Variants in CACNA2D3 observed in about 807,000 individuals in gnomAD.
CACNA2D3 encodes the protein calcium voltage-gated channel auxiliary subunit alpha2delta 3, also known as voltage-dependent calcium channel subunit alpha-2/delta-3.
A neutral mutation model predicts 160.6 loss-of-function variants in CACNA2D3; 60 were observed. The ratio of observed to expected loss-of-function variants is 0.37; its 90% CI spans 0.30 to 0.46. The LOEUF (loss-of-function observed/expected upper bound fraction) is 0.46. Among genes scored for constraint, CACNA2D3 ranks in the 20% least tolerant of loss-of-function variants. The pLI is 1.00. For missense variants in CACNA2D3, 1,205 were observed against 1,365.0 expected (o/e 0.88, Z 1.85); for synonymous variants, 558 against 492.9 (o/e 1.13, Z -1.75).
intron 9 of CACNA2D3, 80 bp from the exon 10 acceptor site, chr3:54,627,707 G>A: frequency 1.2e-6 from 1 of 834,230 alleles, no homozygotes; most frequent in South Asian, 1.4e-5. Flanking sequence ...GTCTTGCCAT[G>A]GCGTACATCT....
At chr3:54,894,787 A>G in intron 25 of CACNA2D3, 1 of 417,604 alleles carries the variant, frequency 2.4e-6, no homozygotes, top group East Asian at 7.2e-5. Flanking sequence ...CTAAAATTTC[A>G]GTATTCCTGA....
intron 27 of CACNA2D3, chr3:54,901,332 C>G (rs1480081429): frequency 6.6e-6 from 1 of 152,154 alleles, no homozygotes; most frequent in Non-Finnish European, 1.5e-5. Context: ...AAGGATGAGC[C>G]CTAAGGTCAC....
intron 2 of CACNA2D3, among the ~76,000 whole-genome samples, chr3:54,165,496 C>T (rs1054311928): frequency 2.6e-5 from 4 of 151,660 alleles, no homozygotes; most frequent in Non-Finnish European, 4.4e-5. Flanking sequence ...AGCTTCTTGA[C>T]CTCCATATAT....
intron 27 of CACNA2D3, among the ~76,000 whole-genome samples, chr3:54,908,420 T>C (rs1700490490): frequency 6.6e-6 from 1 of 152,182 alleles, no homozygotes; most frequent in Admixed American, 6.5e-5. Flanking sequence ...ATTCTGGATA[T>C]AAATACCTTG....
chr3:54,385,411 A>G (rs1462898741), intron 3 of CACNA2D3, among the ~76,000 whole-genome samples: 1 of 152,134 alleles, frequency 6.6e-6, no homozygotes, highest in East Asian at 1.9e-4. Context: ...TAGAATGAGG[A>G]CCAGGTCTCC....
intron 35 of CACNA2D3, among the ~76,000 whole-genome samples, chr3:55,030,309 G>A (rs900977331): frequency 6.6e-6 from 1 of 152,082 alleles, no homozygotes; most frequent in African/African-American, 2.4e-5. Flanking sequence ...AGCATTAAAG[G>A]TTTAAAACAT....
At chr3:54,668,602 T>C (rs1362649986) in intron 11 of CACNA2D3, among the ~76,000 whole-genome samples, 1 of 66,204 alleles carries the variant, frequency 1.5e-5, no homozygotes, top group East Asian at 2.6e-4. Flanking sequence ...GTCTCTTGAA[T>C]TAAAAATACA....
At chr3:54,644,934 A>C (rs748341778) in intron 11 of CACNA2D3, among the ~76,000 whole-genome samples, 3 of 152,232 alleles carry the variant, frequency 2.0e-5, no homozygotes, top group Non-Finnish European at 4.4e-5. Context: ...TCATTTCCTC[A>C]GTTGAATTCA....
At chr3:54,520,115 A>G (rs1359247203) in intron 5 of CACNA2D3, among the ~76,000 whole-genome samples, 1 of 152,262 alleles carries the variant, frequency 6.6e-6, no homozygotes, top group African/African-American at 2.4e-5. Context: ...TAGTGGTTCC[A>G]GTATCCTTCT....
intron 27 of CACNA2D3, among the ~76,000 whole-genome samples, chr3:54,900,635 C>T (rs1171363499): frequency 6.6e-6 from 1 of 152,028 alleles, no homozygotes; most frequent in African/African-American, 2.4e-5. Context: ...GTGATATGCT[C>T]CAAGCACCAT....
Position 55,058,408 on chromosome 3 carries a change from G to A in CACNA2D3, c.2988-15037G>A, listed in dbSNP as rs1025082721. Among the ~76,000 whole-genome samples, 8 of 152,184 alleles carry A rather than the reference G, an allele frequency of 5.3e-5. 1 individual carries two copies. The highest frequency in any genetic ancestry group is 1.5e-5 in the Non-Finnish European group (1 of 68,034). ...AGCTGATGTTATAGAGAGATTCAGA[G>A]AGGATTCCTTCTGGGGAGAACCCAC... On this transcript the variant is annotated intron_variant, in intron 35 of 37. Transcript: ENST00000474759.
intron 4 of CACNA2D3, among the ~76,000 whole-genome samples, chr3:54,471,158 A>T (rs755780588): frequency 6.6e-6 from 1 of 152,204 alleles, no homozygotes; most frequent in Non-Finnish European, 1.5e-5. Context: ...ATGTAATTGG[A>T]AGTAAAACAC....
intron 35 of CACNA2D3, among the ~76,000 whole-genome samples, chr3:55,050,374 G>A (rs1034433492): frequency 4.0e-5 from 6 of 151,742 alleles, no homozygotes; most frequent in Non-Finnish European, 7.4e-5. Flanking sequence ...GCTTAGTTTG[G>A]CTGGATATGA....
intron 4 of CACNA2D3, among the ~76,000 whole-genome samples, chr3:54,418,035 G>C (rs1219590151): frequency 3.3e-5 from 5 of 152,112 alleles, no homozygotes; most frequent in Admixed American, 3.3e-4. Context: ...TGATCCATCC[G>C]CCTTGGCCTC....
At chr3:54,971,191 C>T (rs1324793399) in intron 29 of CACNA2D3, among the ~76,000 whole-genome samples, 1 of 151,978 alleles carries the variant, frequency 6.6e-6, no homozygotes, top group African/African-American at 2.4e-5. Flanking sequence ...CTAATTTCCC[C>T]TTAGGAAAGA....
intron 4 of CACNA2D3, among the ~76,000 whole-genome samples, chr3:54,484,577 T>C (rs1700985537): frequency 6.6e-6 from 1 of 152,134 alleles, no homozygotes; most frequent in African/African-American, 2.4e-5. Context: ...TGAGAGTAAA[T>C]CACCGGGGCA....
intron 2 of CACNA2D3, among the ~76,000 whole-genome samples, chr3:54,136,009 C>A: frequency 6.6e-6 from 1 of 152,334 alleles, no homozygotes. Flanking sequence ...GAGCCCCATG[C>A]CTTGTCTGCT....
intron 2 of CACNA2D3, among the ~76,000 whole-genome samples, chr3:54,154,637 C>T (rs1303222892): frequency 1.3e-5 from 2 of 152,148 alleles, no homozygotes; most frequent in Non-Finnish European, 2.9e-5. Flanking sequence ...GTCTCAGCAC[C>T]TCTGCTTTGA....
intron 2 of CACNA2D3, among the ~76,000 whole-genome samples, chr3:54,167,773 G>T (rs1008263744): frequency 6.6e-6 from 1 of 152,214 alleles, no homozygotes; most frequent in Non-Finnish European, 1.5e-5. Flanking sequence ...TGGAATGGAA[G>T]TCCATTTGGT....
Sources: allele counts gnomAD v4.1 joint callset (sites outside exome capture counted in the v4.1 genomes callset), GRCh38; gene constraint gnomAD v4.1.1; transcripts MANE v1.5; gene names NCBI Gene and HGNC (gene_info 2026-07-23, HGNC 2026-07-21).